The following ENPP3 variants were observed in gnomAD, a reference collection of about 807,000 sequenced individuals.
ENPP3 encodes the protein ectonucleotide pyrophosphatase/phosphodiesterase 3.
ENPP3 carries 104 observed loss-of-function variants against 117.8 expected under a neutral mutation model. The ratio of observed to expected loss-of-function variants is 0.88; its 90% CI spans 0.75 to 1.04. ENPP3 has a LOEUF of 1.04. Ranked by LOEUF, ENPP3 falls within the 50% of genes least tolerant of loss-of-function variation. ENPP3 has a pLI of 0.00. For synonymous variants in ENPP3, 380 were observed against 349.9 expected (o/e 1.09, Z -0.96); for missense variants, 1,026 against 1,051.9 (o/e 0.98, Z 0.34).
At chr6:131,746,623 GTGTTT>G (rs1263827785) in intron 24 of ENPP3, among the ~76,000 whole-genome samples, 158 bp from the exon 25 acceptor site, 1 of 152,048 alleles carries the variant, frequency 6.6e-6, no homozygotes, top group Non-Finnish European at 1.5e-5. Context: ...CTTTGTACTT[GTGTTT>G]TCTTTTTATT....
chr6:131,719,564 T>A (rs1410288692), intron 16 of ENPP3, among the ~76,000 whole-genome samples: 2 of 152,170 alleles, frequency 1.3e-5, no homozygotes, highest in African/African-American at 4.8e-5. Context: ...TTAATTGGGG[T>A]ACTATGTAAT....
chr6:131,690,351 A>G (rs1397532171), intron 14 of ENPP3, among the ~76,000 whole-genome samples: 1 of 152,128 alleles, frequency 6.6e-6, no homozygotes, highest in Non-Finnish European at 1.5e-5. Flanking sequence ...TTCAGCAACC[A>G]CCATTTTGAT....
intron 22 of ENPP3, 26 bp from the exon 23 acceptor site, chr6:131,738,005 T>G: frequency 6.5e-7 from 1 of 1,534,668 alleles, no homozygotes; most frequent in Non-Finnish European, 8.9e-7. Flanking sequence ...GTGGACATTT[T>G]AAACACTTTA....
intron 6 of ENPP3, among the ~76,000 whole-genome samples, chr6:131,668,297 C>A (rs1421882650): frequency 2.0e-5 from 3 of 146,882 alleles, no homozygotes; most frequent in African/African-American, 7.6e-5. Flanking sequence ...ACTGTAACCT[C>A]CGCTTCTCGG....
At chr6:131,691,543 C>T (rs1779278658) in intron 14 of ENPP3, among the ~76,000 whole-genome samples, 1 of 148,194 alleles carries the variant, frequency 6.7e-6, no homozygotes, top group Non-Finnish European at 1.5e-5. Context: ...GAGCTGAGAT[C>T]ATACCGCTGC....
chr6:131,651,424 A>G (rs1778260585), intron 3 of ENPP3, among the ~76,000 whole-genome samples: 1 of 152,220 alleles, frequency 6.6e-6, no homozygotes, highest in Admixed American at 6.5e-5. Context: ...GGTAAATGAA[A>G]TGCTGTATCA....
chr6:131,693,353 A>G lies in ENPP3; in HGVS notation c.1285-144A>G, dbSNP rs923021558. On this transcript the variant is annotated intron_variant, in intron 14 of 24. Transcript: ENST00000357639. Reference sequence around the variant, plus strand: ...CTAGGGGGATCTGACTACATTGATAATAGGTTTAATATTCCTATTGTATTA... The same window carrying G: ...CTAGGGGGATCTGACTACATTGATAGTAGGTTTAATATTCCTATTGTATTA... The G allele has an allele frequency of 4.6e-6, 3 of 647,536 alleles. No homozygotes were observed. The Admixed American group carries it at 9.6e-5, about 21-fold the overall frequency. 40.1% of individuals were successfully genotyped at this position (647,536 alleles called of 1,614,324 possible).
In ENPP3 at chr6:131,685,512, C is replaced by G; in HGVS notation, c.1252+17C>G. On this transcript the variant is annotated intron_variant, in intron 13 of 24. Transcript: ENST00000357639. ...TTTTTAGTTGTAAGTATGAAGACACCTATATGAAAAAAAGGGTAAACCTGA... is the reference window on the plus strand; with the variant it reads ...TTTTTAGTTGTAAGTATGAAGACACGTATATGAAAAAAAGGGTAAACCTGA... 2 of 1,604,924 alleles carry G rather than the reference C, an allele frequency of 1.2e-6. No homozygotes were observed. The highest frequency in any genetic ancestry group is 2.3e-5 in the South Asian group (2 of 88,852).
Position 131,658,365 on chromosome 6 carries a change from T to C in ENPP3, c.507T>C (p.Phe169=). The change falls in exon 6 of 25, where the codon TTT becomes TTC. Residue 169 remains phenylalanine (F), a synonymous_variant. Transcript: ENST00000357639. ...TTATCTTGTTTTCTATGGATGGATTTAGAGCTGAATATTTATACACATGGG... is the reference window on the plus strand; with the variant it reads ...TTATCTTGTTTTCTATGGATGGATTCAGAGCTGAATATTTATACACATGGG... ...PPVILFSMDG[F]RAEYLYTWDT... The C allele has an allele frequency of 6.2e-7, 1 of 1,610,070 alleles. No individual in the cohort carries two copies. The highest frequency in any genetic ancestry group is 1.1e-5 in the South Asian group (1 of 90,920).
intron 14 of ENPP3, among the ~76,000 whole-genome samples, chr6:131,687,492 C>T (rs1383535370): frequency 6.6e-6 from 1 of 151,754 alleles, no homozygotes; most frequent in South Asian, 2.1e-4. Flanking sequence ...GCAATTACAA[C>T]AAAACAAAAA....
intron 2 of ENPP3, among the ~76,000 whole-genome samples, chr6:131,646,678 G>T (rs1382527547): frequency 1.3e-5 from 2 of 149,974 alleles, no homozygotes; most frequent in African/African-American, 4.9e-5. Context: ...CTTACTTAAT[G>T]ACCTTTTTTC....
chr6:131,659,344 G>A (rs1042325978), intron 6 of ENPP3, among the ~76,000 whole-genome samples: 2 of 152,026 alleles, frequency 1.3e-5, no homozygotes, highest in African/African-American at 4.8e-5. Context: ...CTAAGAAGTG[G>A]CATAGTTAGT....
chr6:131,663,253 T>C lies in ENPP3; in HGVS notation c.562+4833T>C, dbSNP rs2114350659. On this transcript the variant is annotated intron_variant, in intron 6 of 24. Coordinates refer to ENST00000357639, the MANE Select transcript of ENPP3 (RefSeq NM_005021.5). ...GAAAAATTTTCACCATTGAATAGGA[T>C]GTTAGCTGTAGACTTTTCATATAAT... Among the ~76,000 whole-genome samples, 2 of 151,996 alleles carry C rather than the reference T, an allele frequency of 1.3e-5. 1 individual carries two copies. Among genetic ancestry groups the C allele is most frequent in the East Asian group, 3.9e-4 (2 of 5,190 alleles).
In ENPP3 at chr6:131,674,259, C is replaced by G; in HGVS notation, c.740C>G (p.Pro247Arg). The G allele has an allele frequency of 1.2e-6, 2 of 1,613,542 alleles. No individual in the cohort carries two copies. Among genetic ancestry groups the G allele is most frequent in the Non-Finnish European group, 1.7e-6 (2 of 1,179,636 alleles). ...CTTTCTTCAAAGGAACAAAATAATC[C>G]AGCCTGGTGGCATGGGCAACCAGTA... Reference protein sequence around the residue: ...FSLSSKEQNNPAWWHGQPMWL... With the variant: ...FSLSSKEQNNRAWWHGQPMWL... Residue 247 changes from proline to arginine, a missense_variant, in exon 8 of 25, where the codon CCA (proline) becomes CGA (arginine). Transcript: ENST00000357639.
chr6:131,688,896 C>CAAAAAAAAAAAAAAAAAAAA (rs34743742), intron 14 of ENPP3, among the ~76,000 whole-genome samples: 1 of 88,300 alleles, frequency 1.1e-5, no homozygotes, highest in African/African-American at 3.6e-5. Context: ...ACTAAAAATC[C>CAAAAAAAAAAAAAAAAAAAA]AAAAAAAAAA....
At chr6:131,695,369 A>G (rs2114458124) in intron 15 of ENPP3, among the ~76,000 whole-genome samples, 1 of 152,166 alleles carries the variant, frequency 6.6e-6, no homozygotes, top group Non-Finnish European at 1.5e-5. Flanking sequence ...TCAATCTCAA[A>G]TGGTGAGCTG....
chr6:131,700,745 G>A (rs767928047), intron 15 of ENPP3: 1 of 1,542,290 alleles, frequency 6.5e-7, no homozygotes, highest in Non-Finnish European at 8.7e-7. Context: ...CACAGAGGAT[G>A]CACATATATG....
intron 6 of ENPP3, among the ~76,000 whole-genome samples, chr6:131,666,808 C>T (rs887067217): frequency 3.9e-5 from 6 of 152,356 alleles, no homozygotes; most frequent in South Asian, 4.1e-4. Context: ...GACATCTGCA[C>T]GTTGGACAAA....
In ENPP3 at chr6:131,693,509, G is replaced by A. The variant is rs1392167820; in HGVS notation, c.1297G>A (p.Asp433Asn). 6.2e-7 allele frequency: 1 copy of A among 1,612,246 alleles called. No homozygotes were observed. The highest frequency in any genetic ancestry group is 1.7e-5 in the Admixed American group (1 of 59,720). The change falls in exon 15 of 25, where the codon GAT becomes AAT. Residue 433 changes from aspartate to asparagine, a missense_variant. Physicochemically the swap from Asp to Asn is conservative, Grantham distance 23. Transcript: ENST00000357639. ...IVRNLSCRKP[D>N]QHFKPYLTPD... The stretch of plus-strand genomic sequence containing the variant: ...ACTTGCTTTTCAGTGCCGAAAACCT[G>A]ATCAGCATTTCAAGCCCTATTTGAC...
Sources: gnomAD v4.1 joint callset for allele counts (sites outside exome capture counted in the v4.1 genomes callset) on GRCh38, gnomAD v4.1.1 for gene constraint, MANE v1.5 for transcripts, NCBI Gene and HGNC (gene_info 2026-07-23, HGNC 2026-07-21) for gene names.